Variants in SCAI observed in about 807,000 individuals in gnomAD.
SCAI encodes the protein protein SCAI.
Under a neutral mutation model 92.2 loss-of-function variants are expected in SCAI, and 24 were observed. The ratio of observed to expected loss-of-function variants is 0.26; its 90% CI spans 0.19 to 0.37. SCAI has a LOEUF of 0.37. Ranked by LOEUF, SCAI falls within the 10% of genes least tolerant of loss-of-function variation. The pLI is 1.00. For synonymous variants in SCAI, 261 were observed against 258.6 expected (o/e 1.01, Z -0.09); for missense variants, 450 against 736.2 (o/e 0.61, Z 4.50).
At chr9:125,123,582 C>G (rs931092238) in intron 2 of SCAI, among the ~76,000 whole-genome samples, 1 of 152,110 alleles carries the variant, frequency 6.6e-6, no homozygotes, top group Admixed American at 6.6e-5. Context: ...CGAGAACATC[C>G]TAGCTAACAC....
chr9:125,028,492 G>A lies in SCAI; in HGVS notation c.327-14C>T. 6.9e-7 allele frequency: 1 copy of A among 1,445,350 alleles called. No individual in the cohort carries two copies. Among genetic ancestry groups the A allele is most frequent in the African/African-American group, 1.5e-5 (1 of 68,106 alleles). 89.5% of individuals were successfully genotyped at this position (1,445,350 alleles called of 1,614,324 possible). ...TCCAAGACTTGTCTGTTTTATATAG[G>A]ATACAAGAAAATAGAAATGAGTCTA... On this transcript the variant is annotated splice_polypyrimidine_tract_variant and intron_variant, in intron 4 of 17. Transcript: ENST00000336505.
At chr9:125,066,732 C>T (rs568637376) in intron 2 of SCAI, among the ~76,000 whole-genome samples, 2 of 152,224 alleles carry the variant, frequency 1.3e-5, no homozygotes, top group South Asian at 2.1e-4. Context: ...GGATTACAGG[C>T]GTGAGCCACT....
chr9:125,133,060 T>C lies in SCAI; in HGVS notation c.98+9573A>G, dbSNP rs1263794810. Reference sequence around the variant, plus strand: ...GTGGAGAAAAGTAAAAGGCAAGCCATACATGGGAGAAAACATAAGCAAAAC... The same window carrying C: ...GTGGAGAAAAGTAAAAGGCAAGCCACACATGGGAGAAAACATAAGCAAAAC... On this transcript the variant is annotated intron_variant, in intron 2 of 17. Coordinates refer to ENST00000336505, the MANE Select transcript of SCAI (RefSeq NM_001144877.3). Among the ~76,000 whole-genome samples, 4 of 152,028 alleles carry C rather than the reference T, an allele frequency of 2.6e-5. No individual in the cohort carries two copies. In the East Asian group the frequency reaches 5.8e-4, roughly 22 times the overall value.
intron 15 of SCAI, chr9:124,974,110 G>T: frequency 3.2e-6 from 1 of 312,066 alleles, no homozygotes; most frequent in African/African-American, 2.3e-5. Context: ...AAGACATTTG[G>T]CTCTGTGAAG....
At chr9:125,092,820 A>C (rs1834463280) in intron 2 of SCAI, among the ~76,000 whole-genome samples, 1 of 152,090 alleles carries the variant, frequency 6.6e-6, no homozygotes, top group Admixed American at 6.6e-5. Flanking sequence ...ACTCTCCTTC[A>C]CAGCATTAAC....
Position 125,139,023 on chromosome 9 carries a change from G to C in SCAI, c.98+3610C>G, listed in dbSNP as rs577750388. Among the ~76,000 whole-genome samples the C allele has an allele frequency of 6.6e-5, 10 of 152,314 alleles. No individual in the cohort carries two copies. The South Asian group carries it at 2.1e-3, about 32-fold the overall frequency. ...CCCAATAAGGTGGAGCAGAGGGAGG[G>C]TGGGGGGAAGCCCTCACTGAGCAAA... On this transcript the variant is annotated intron_variant, in intron 2 of 17. Transcript: ENST00000336505.
intron 12 of SCAI, 75 bp from the exon 13 acceptor site, chr9:125,000,065 C>A: frequency 1.7e-6 from 1 of 602,722 alleles, no homozygotes; most frequent in South Asian, 2.7e-5. Context: ...TACAAAGGTA[C>A]TGTGTGAATC....
intron 2 of SCAI, among the ~76,000 whole-genome samples, chr9:125,071,141 C>T (rs1833972163): frequency 1.3e-5 from 2 of 152,184 alleles, no homozygotes; most frequent in Non-Finnish European, 1.5e-5. Context: ...GTCCATTAAA[C>T]TTCTTTTCCT....
Position 124,959,489 on chromosome 9 carries a change from C to CATATATAT in SCAI, c.1675-6537_1675-6536insATATATAT, listed in dbSNP as rs1831392770. On this transcript the variant is annotated intron_variant, in intron 17 of 17. Coordinates refer to ENST00000336505, the MANE Select transcript of SCAI (RefSeq NM_001144877.3). Reference sequence around the variant, plus strand: ...ATATATATATATATATATATACACACACACATATATATACACATATATATA... The same window carrying CATATATAT: ...ATATATATATATATATATATACACACATATATATACACATATATATACACATATATATA... Among the ~76,000 whole-genome samples, 4 of 147,482 alleles carry CATATATAT rather than the reference C, an allele frequency of 2.7e-5. No homozygotes were observed. In the Admixed American group the frequency reaches 2.8e-4, roughly 10 times the overall value.
At chr9:125,005,491 C>T (rs1424206965) in intron 9 of SCAI, among the ~76,000 whole-genome samples, 2 of 152,028 alleles carry the variant, frequency 1.3e-5, no homozygotes, top group African/African-American at 4.8e-5. Context: ...GCCACCATGC[C>T]CAGCTAATTT....
intron 3 of SCAI, among the ~76,000 whole-genome samples, chr9:125,036,630 T>C (rs1350500454): frequency 6.6e-6 from 1 of 152,220 alleles, no homozygotes; most frequent in African/African-American, 2.4e-5. Context: ...TTTAATTCAT[T>C]TTTTGAATTG....
chr9:125,022,489 G>A (rs1832888097), intron 6 of SCAI, among the ~76,000 whole-genome samples: 1 of 152,138 alleles, frequency 6.6e-6, no homozygotes, highest in Admixed American at 6.5e-5. Flanking sequence ...ATAAATCACT[G>A]CAGCCTCAAA....
intron 3 of SCAI, among the ~76,000 whole-genome samples, chr9:125,030,463 T>G (rs765933920): frequency 6.6e-5 from 10 of 152,208 alleles, no homozygotes; most frequent in Non-Finnish European, 1.0e-4. Context: ...AGACAACTTG[T>G]AGCTAACATG....
At chr9:125,109,057 C>T (rs941055992) in intron 2 of SCAI, among the ~76,000 whole-genome samples, 8 of 152,182 alleles carry the variant, frequency 5.3e-5, no homozygotes, top group Non-Finnish European at 1.2e-4. Context: ...TATCACCTTA[C>T]CCCCAACCCG....
intron 9 of SCAI, 127 bp downstream of exon 9, chr9:125,018,672 G>A (rs1285942460): frequency 5.3e-6 from 4 of 761,162 alleles, no homozygotes; most frequent in Non-Finnish European, 8.4e-6. Context: ...TATGCACACA[G>A]CATAATTTAA....
rs151310113 is a variant in SCAI, at chr9:124,999,826, A to G, written c.1244+65T>C. ...TAGAAAAAACTCCCCATTTTACTTA[A>G]TATTTTTTCTATTTATAGACAGAGG... On this transcript the variant is annotated intron_variant, in intron 13 of 17. Coordinates refer to ENST00000336505, the MANE Select transcript of SCAI (RefSeq NM_001144877.3). 5.4e-4 allele frequency: 443 copies of G among 825,856 alleles called. 1 individual carries two copies. In the African/African-American group the frequency reaches 7.1e-3, roughly 13 times the overall value. 51.2% of individuals were successfully genotyped at this position (825,856 alleles called of 1,614,324 possible).
At position 124,947,251 on chromosome 9, in the gene SCAI, A is replaced by C. The variant is rs1831160066; in HGVS notation, c.*5556T>G. The C allele has an allele frequency of 6.6e-6, 1 of 152,188 alleles. No individual in the cohort carries two copies. Among genetic ancestry groups the C allele is most frequent in the South Asian group, 2.1e-4 (1 of 4,832 alleles). The allele number at this position is 152,188 out of a possible 1,614,324, so 9.4% of individuals were successfully genotyped here. A position where few individuals can be genotyped will look rare whatever the true frequency, so the allele number is the denominator to read the frequency against. ...AATTTACTACTCAGTAATAATACTT[A>C]AATATGGATCAAGAAAATAAAGGAC... On this transcript the variant is annotated 3_prime_UTR_variant, in exon 18 of 18. Transcript: ENST00000336505.
rs369452285 is a variant in SCAI, at chr9:125,015,977, C to G, written c.861+2822G>C. Among the ~76,000 whole-genome samples, 41 of 131,640 alleles carry G rather than the reference C, an allele frequency of 3.1e-4. No individual in the cohort carries two copies. In the East Asian group the frequency reaches 4.6e-3, roughly 15 times the overall value. The allele number at this position is 131,640 out of a possible 152,430, so 86.4% of individuals were successfully genotyped here. A position where few individuals can be genotyped will look rare whatever the true frequency, so the allele number is the denominator to read the frequency against. ...TTCTCACTCATAGGTGGGAACTGAACAATGAGAACACATGGACACAGGAAG... is the reference window on the plus strand; with the variant it reads ...TTCTCACTCATAGGTGGGAACTGAAGAATGAGAACACATGGACACAGGAAG... On this transcript the variant is annotated intron_variant, in intron 9 of 17. Transcript: ENST00000336505.
intron 2 of SCAI, among the ~76,000 whole-genome samples, chr9:125,110,471 T>G (rs931282573): frequency 6.6e-6 from 1 of 152,152 alleles, no homozygotes; most frequent in South Asian, 2.1e-4. Context: ...TGATATGGTT[T>G]GCATCTGTAT....
Sources: allele counts gnomAD v4.1 joint callset (sites outside exome capture counted in the v4.1 genomes callset), GRCh38; gene constraint gnomAD v4.1.1; transcripts MANE v1.5; gene names NCBI Gene and HGNC (gene_info 2026-07-23, HGNC 2026-07-21).